Variants in TNRC6B observed in about 807,000 individuals in gnomAD.
TNRC6B encodes trinucleotide repeat containing adaptor 6B.
TNRC6B carries 52 observed loss-of-function variants against 203.6 expected under a neutral mutation model. The ratio of observed to expected loss-of-function variants is 0.26; its 90% CI spans 0.20 to 0.32. The LOEUF (loss-of-function observed/expected upper bound fraction) is 0.32, where lower values mean the gene tolerates loss of function less well. TNRC6B is among the 10% of genes least tolerant of loss of function. The probability of loss-of-function intolerance (pLI) is 1.00; values close to 1 mark genes in which losing one functional copy is unlikely to be tolerated. For synonymous variants in TNRC6B, 838 were observed against 845.7 expected (o/e 0.99, Z 0.16); for missense variants, 1,923 against 2,286.2 (o/e 0.84, Z 3.24).
chr22:40,145,827 C>T lies in TNRC6B; in HGVS notation c.46-10288C>T, dbSNP rs2015410. On this transcript the variant is annotated intron_variant, in intron 3 of 23. Transcript: ENST00000301923. ...ACTATGCTCCAGCCTGGTGACAGAG[C>T]GAGACTTTGTCTCAAAAAAAAAAGC... Among the ~76,000 whole-genome samples, 6 of 151,596 alleles carry T rather than the reference C, an allele frequency of 4.0e-5. No individual in the cohort carries two copies. The East Asian group carries it at 9.7e-4, about 25-fold the overall frequency.
Position 40,124,355 on chromosome 22 carries a change from C to G in TNRC6B, c.-46-1417C>G, listed in dbSNP as rs531519729. ...TTTTTTTTTTTGAGACAGGGTCTCA[C>G]TCTGTTGCCAAGGCTGGAGTGCAGT... On this transcript the variant is annotated intron_variant, in intron 2 of 23. Transcript: ENST00000301923. Among the ~76,000 whole-genome samples, 5 of 146,844 alleles carry G rather than the reference C, an allele frequency of 3.4e-5. No individual in the cohort carries two copies. The East Asian group carries it at 1.0e-3, about 30-fold the overall frequency.
intron 12 of TNRC6B, among the ~76,000 whole-genome samples, chr22:40,291,839 A>G (rs951372531): frequency 4.6e-5 from 7 of 152,234 alleles, no homozygotes; most frequent in African/African-American, 1.4e-4. Context: ...TTTGATAAAT[A>G]CCAGATTTTA....
chr22:40,051,760 T>C lies in TNRC6B; in HGVS notation c.-121+6762T>C, dbSNP rs1464301034. On this transcript the variant is annotated intron_variant, in intron 1 of 23. Transcript: ENST00000301923. ...ATGAGCCACATATGTATAGATTTTCTAGTAGCTACATTAAAAAAGTAGAAA... is the reference window on the plus strand; with the variant it reads ...ATGAGCCACATATGTATAGATTTTCCAGTAGCTACATTAAAAAAGTAGAAA... 2.6e-5 allele frequency among the ~76,000 whole-genome samples: 4 copies of C among 152,366 alleles called. No homozygotes were observed. In the East Asian group the frequency reaches 7.7e-4, roughly 29 times the overall value.
At chr22:40,090,861 G>A (rs1219792237) in intron 1 of TNRC6B, among the ~76,000 whole-genome samples, 3 of 152,238 alleles carry the variant, frequency 2.0e-5, no homozygotes, top group Non-Finnish European at 4.4e-5. Context: ...TACAGGAACC[G>A]GCTACACCAC....
At chr22:40,192,774 G>T (rs1240947297) in intron 1 of TNRC6B, among the ~76,000 whole-genome samples, 1 of 152,224 alleles carries the variant, frequency 6.6e-6, no homozygotes, top group Non-Finnish European at 1.5e-5. Context: ...TAGAGCAGGG[G>T]TTTGGGCTAT....
At chr22:40,079,870 A>C (rs1237537595) in intron 1 of TNRC6B, among the ~76,000 whole-genome samples, 4 of 152,050 alleles carry the variant, frequency 2.6e-5, no homozygotes, top group Non-Finnish European at 5.9e-5. Flanking sequence ...ATCTCGGCTC[A>C]CTGCAAGCTC....
chr22:40,321,357 T>G, intron 22 of TNRC6B, 128 bp downstream of exon 22: 1 of 1,154,988 alleles, frequency 8.7e-7, no homozygotes, highest in Non-Finnish European at 1.2e-6. Flanking sequence ...CACGTGCATC[T>G]GCAAGTCTCG....
At chr22:40,286,756 G>A (rs1036539884) in intron 12 of TNRC6B, among the ~76,000 whole-genome samples, 22 of 152,164 alleles carry the variant, frequency 1.4e-4, no homozygotes, top group African/African-American at 5.1e-4. Flanking sequence ...TTGTTTTGGG[G>A]ATAAAGGTGA....
rs533393606 is a variant in TNRC6B, at chr22:40,079,402, AC to A, written c.-121+34406del. ...CTTTTCCAGCAGGGTGAATGTAATG[AC>A]CTGAATGTTGGTAAGCAAGCCCACA... is the stretch of plus-strand genomic sequence containing the variant. On this transcript the variant is annotated intron_variant, in intron 1 of 23. Coordinates refer to the TNRC6B transcript ENST00000301923. 3.6e-3 allele frequency among the ~76,000 whole-genome samples: 551 copies of A among 152,198 alleles called. 1 individual carries two copies. Among genetic ancestry groups the A allele is most frequent in the Non-Finnish European group, 5.5e-3 (375 of 68,026 alleles).
intron 1 of TNRC6B, among the ~76,000 whole-genome samples, chr22:40,242,664 A>G (rs1365299249): frequency 2.0e-5 from 3 of 151,982 alleles, no homozygotes; most frequent in Non-Finnish European, 2.9e-5. Context: ...TCCTGACCTC[A>G]GGTGATCCAC....
chr22:40,216,745 A>G (rs1180582718), intron 1 of TNRC6B, among the ~76,000 whole-genome samples: 2 of 152,224 alleles, frequency 1.3e-5, no homozygotes, highest in East Asian at 3.8e-4. Flanking sequence ...ACCAGGAGAA[A>G]AAATCTACTT....
At chr22:40,259,989 G>A (rs531996434) in intron 3 of TNRC6B, among the ~76,000 whole-genome samples, 9 of 152,254 alleles carry the variant, frequency 5.9e-5, no homozygotes, top group East Asian at 3.9e-4. Flanking sequence ...AGCATGCAGC[G>A]AGGGAGGTAC....
chr22:40,233,438 A>G (rs1393130262), intron 1 of TNRC6B, among the ~76,000 whole-genome samples: 2 of 152,066 alleles, frequency 1.3e-5, no homozygotes, highest in Non-Finnish European at 2.9e-5. Flanking sequence ...CCTGGCCAAC[A>G]TGGCAAAACC....
At chr22:40,056,948 G>A (rs1012166112) in intron 1 of TNRC6B, among the ~76,000 whole-genome samples, 3 of 152,186 alleles carry the variant, frequency 2.0e-5, no homozygotes, top group Admixed American at 2.0e-4. Context: ...ATGGGCACAG[G>A]TAGACTATAT....
chr22:40,145,173 G>C (rs1420078326), intron 3 of TNRC6B, among the ~76,000 whole-genome samples: 1 of 152,090 alleles, frequency 6.6e-6, no homozygotes, highest in Non-Finnish European at 1.5e-5. Context: ...TTGAATTCGG[G>C]ATGTCAAGGC....
At chr22:40,251,286 G>A (rs2070188954) in intron 3 of TNRC6B, 86 bp downstream of exon 3, 2 of 1,076,100 alleles carry the variant, frequency 1.9e-6, no homozygotes, top group African/African-American at 1.6e-5. Flanking sequence ...CCAATCCACT[G>A]AAAAGAGAGT....
At chr22:40,098,550 T>A (rs2068205732) in intron 1 of TNRC6B, among the ~76,000 whole-genome samples, 1 of 152,212 alleles carries the variant, frequency 6.6e-6, no homozygotes, top group African/African-American at 2.4e-5. Flanking sequence ...GACTTTTTAA[T>A]CAAAATTGTT....
At chr22:40,281,953 A>G (rs542693969) in intron 11 of TNRC6B, among the ~76,000 whole-genome samples, 36 of 152,286 alleles carry the variant, frequency 2.4e-4, no homozygotes, top group Non-Finnish European at 4.3e-4. Context: ...GCCAGGCCTG[A>G]GGGTGCACAG....
At chr22:40,094,316 T>C (rs2068171500) in intron 1 of TNRC6B, among the ~76,000 whole-genome samples, 1 of 152,168 alleles carries the variant, frequency 6.6e-6, no homozygotes, top group Non-Finnish European at 1.5e-5. Context: ...GAAAGAATGC[T>C]GCCAATTAAT....
Sources: allele counts gnomAD v4.1 joint callset (sites outside exome capture counted in the v4.1 genomes callset), GRCh38; gene constraint gnomAD v4.1.1; transcripts MANE v1.5; gene names NCBI Gene and HGNC (gene_info 2026-07-23, HGNC 2026-07-21).